SNCAIP: variants seen among roughly 807,000 people sequenced by gnomAD.
SNCAIP encodes synphilin-1.
In SNCAIP, 43 loss-of-function variants were observed where a neutral mutation model predicts 86.7. The observed-to-expected ratio is 0.50, with a 90% confidence interval of 0.39 to 0.64. The LOEUF is 0.64. Ranked by LOEUF, SNCAIP falls within the 30% of genes least tolerant of loss-of-function variation. SNCAIP has a pLI of 0.00. For synonymous variants in SNCAIP, 417 were observed against 427.2 expected, an observed-to-expected ratio of 0.98 and a Z score of 0.29; for missense variants, 981 against 1,103.1, an observed-to-expected ratio of 0.89 and a Z score of 1.57.
At chr5:122,399,929 T>C (rs1034227015) in intron 2 of SNCAIP, among the ~76,000 whole-genome samples, 1 of 152,098 alleles carries the variant, frequency 6.6e-6, no homozygotes, top group Admixed American at 6.6e-5. Flanking sequence ...AGAATATGAA[T>C]TTCTAACAAA....
In SNCAIP at chr5:122,423,490, T is replaced by C; in HGVS notation, c.753T>C (p.Pro251=). Residue 251 remains proline (P), a synonymous_variant, in exon 4 of 11, where the codon CCT becomes CCC. Coordinates refer to ENST00000261368, the MANE Select transcript of SNCAIP (RefSeq NM_005460.4). ...TTAAATGTGGCTCTGCATATGAGCC[T>C]GAAAACCAGAGTAAAGACTTCCTAA... ...PLVKCGSAYE[P]ENQSKDFLNK... 1 of 1,614,168 alleles carries C rather than the reference T, an allele frequency of 6.2e-7. No individual in the cohort carries two copies. The highest frequency in any genetic ancestry group is 1.3e-5 in the African/African-American group (1 of 75,052).
At position 122,375,510 on chromosome 5, in the gene SNCAIP, C is replaced by A. The variant is rs1342431267; in HGVS notation, c.-46-15579C>A. Among the ~76,000 whole-genome samples, 9 of 143,914 alleles carry A rather than the reference C, an allele frequency of 6.3e-5. No individual in the cohort carries two copies. The East Asian group carries it at 1.8e-3, about 29-fold the overall frequency. The allele number at this position is 143,914 out of a possible 152,430, so 94.4% of individuals were successfully genotyped here. On this transcript the variant is annotated intron_variant, in intron 1 of 10. Coordinates refer to ENST00000261368, the MANE Select transcript of SNCAIP (RefSeq NM_005460.4). Reference sequence around the variant, plus strand: ...TTCATTTTTCTTCTGTGTTAATAGACCTGGGATTTATTATACTGTCATTCT... The same window carrying A: ...TTCATTTTTCTTCTGTGTTAATAGAACTGGGATTTATTATACTGTCATTCT...
chr5:122,451,655 T>A (rs1783712053), intron 10 of SNCAIP, 54 bp downstream of exon 10: 1 of 1,288,044 alleles, frequency 7.8e-7, no homozygotes, highest in Non-Finnish European at 1.1e-6. Flanking sequence ...ATTATGTTGT[T>A]CCTAATATCA....
chr5:122,357,080 C>T (rs768747114), intron 1 of SNCAIP, among the ~76,000 whole-genome samples: 10 of 152,266 alleles, frequency 6.6e-5, no homozygotes, highest in Non-Finnish European at 1.3e-4. Context: ...GTCTGCTGGC[C>T]TTCCTGTCTT....
At chr5:122,356,583 G>A (rs1761068014) in intron 1 of SNCAIP, among the ~76,000 whole-genome samples, 1 of 152,082 alleles carries the variant, frequency 6.6e-6, no homozygotes, top group Admixed American at 6.5e-5. Flanking sequence ...GAGCTTTCCT[G>A]GTTTGACTGC....
chr5:122,425,146 C>T (rs1443211842), intron 4 of SNCAIP, among the ~76,000 whole-genome samples: 1 of 152,132 alleles, frequency 6.6e-6, no homozygotes, highest in Non-Finnish European at 1.5e-5. Context: ...TGCCATGTCT[C>T]GTATGAAGAT....
chr5:122,443,930 A>T (rs1216745589), intron 7 of SNCAIP, among the ~76,000 whole-genome samples: 2 of 151,916 alleles, frequency 1.3e-5, no homozygotes, highest in Non-Finnish European at 2.9e-5. Flanking sequence ...TAGCCATAGA[A>T]CCCTCTCCTC....
intron 1 of SNCAIP, among the ~76,000 whole-genome samples, chr5:122,318,248 TTG>T (rs1463981138): frequency 6.6e-6 from 1 of 152,174 alleles, no homozygotes; most frequent in African/African-American, 2.4e-5. Flanking sequence ...CTGTGGAATA[TTG>T]TTTCTTCTTT....
intron 1 of SNCAIP, among the ~76,000 whole-genome samples, chr5:122,384,190 A>G (rs78503918): frequency 0.015 from 2,338 of 152,300 alleles, 37 homozygotes; most frequent in South Asian, 0.064. Flanking sequence ...AGAGCACTAG[A>G]CTGGTTAGCA....
intron 1 of SNCAIP, among the ~76,000 whole-genome samples, chr5:122,340,762 T>TG (rs1381891350): frequency 6.6e-6 from 1 of 152,244 alleles, no homozygotes; most frequent in South Asian, 2.1e-4. Flanking sequence ...TACTCAATTA[T>TG]TCAAAAGCAC....
At chr5:122,382,857 G>T (rs1215978710) in intron 1 of SNCAIP, among the ~76,000 whole-genome samples, 9 of 152,250 alleles carry the variant, frequency 5.9e-5, no homozygotes, top group Admixed American at 5.2e-4. Flanking sequence ...CCTGCTCGGG[G>T]GTCAGGGGTC....
At chr5:122,359,349 T>TTTTATTTATTTATTTATTTA (rs10528513) in intron 1 of SNCAIP, among the ~76,000 whole-genome samples, 4,978 of 142,194 alleles carry the variant, frequency 0.035, 143 homozygotes, top group East Asian at 0.078. Context: ...AGATTTTTAT[T>TTTTATTTATTTATTTATTTA]TTTATTTATT....
chr5:122,446,990 G>C (rs1782457514), intron 8 of SNCAIP, among the ~76,000 whole-genome samples: 1 of 152,218 alleles, frequency 6.6e-6, no homozygotes, highest in African/African-American at 2.4e-5. Flanking sequence ...TTTGGAGACA[G>C]CACCTTTACA....
At chr5:122,455,918 T>C (rs981332869) in intron 10 of SNCAIP, among the ~76,000 whole-genome samples, 2 of 152,222 alleles carry the variant, frequency 1.3e-5, no homozygotes, top group African/African-American at 4.8e-5. Context: ...GATTTATCTT[T>C]ACTTTATCTT....
chr5:122,331,783 A>G (rs1282352714), intron 1 of SNCAIP, among the ~76,000 whole-genome samples: 1 of 152,180 alleles, frequency 6.6e-6, no homozygotes, highest in Non-Finnish European at 1.5e-5. Context: ...TTATTTTTTC[A>G]TCATAGCACT....
intron 1 of SNCAIP, 38 bp from the exon 2 acceptor site, chr5:122,391,051 A>T (rs924645915): frequency 8.6e-7 from 1 of 1,162,722 alleles, no homozygotes; most frequent in South Asian, 1.2e-5. Context: ...AAACGGCTAA[A>T]TTTTTTTGCC....
chr5:122,364,985 C>T (rs577640815), intron 1 of SNCAIP, among the ~76,000 whole-genome samples: 9 of 152,294 alleles, frequency 5.9e-5, no homozygotes, highest in African/African-American at 1.9e-4. Context: ...TAAAAAGAGA[C>T]ATATACAAAA....
chr5:122,388,437 G>A (rs546100027), intron 1 of SNCAIP: 1 of 152,418 alleles, frequency 6.6e-6, no homozygotes, highest in East Asian at 1.9e-4. Flanking sequence ...TGTGCAGAGT[G>A]GGAGGTGTCA....
chr5:122,381,262 T>C (rs1233180533), intron 1 of SNCAIP, among the ~76,000 whole-genome samples: 12 of 139,702 alleles, frequency 8.6e-5, no homozygotes, highest in African/African-American at 2.3e-4. Flanking sequence ...TAGTTAGCTC[T>C]TCTTGTTGAA....
Sources: allele counts gnomAD v4.1 joint callset (sites outside exome capture counted in the v4.1 genomes callset), GRCh38; gene constraint gnomAD v4.1.1; transcripts MANE v1.5; gene names NCBI Gene and HGNC (gene_info 2026-07-23, HGNC 2026-07-21).